The following ETAA1 variants were observed in gnomAD, a reference collection of about 807,000 sequenced individuals.
ETAA1 encodes the protein ETAA1 activator of ATR kinase.
Under a neutral mutation model 76.8 loss-of-function variants are expected in ETAA1, and 49 were observed. The ratio of observed to expected loss-of-function variants is 0.64; its 90% CI spans 0.51 to 0.81. The LOEUF (loss-of-function observed/expected upper bound fraction) is 0.81, where lower values mean the gene tolerates loss of function less well. Among genes scored for constraint, ETAA1 ranks in the 30% least tolerant of loss-of-function variants. The pLI is 0.00. For missense variants in ETAA1, 1,099 were observed against 1,074.0 expected (o/e 1.02, Z -0.32); for synonymous variants, 373 against 372.2 (o/e 1.00, Z -0.03).
In ETAA1 at chr2:67,403,524, C is replaced by G. The variant is rs1412407220; in HGVS notation, c.842C>G (p.Ala281Gly). 1 of 1,613,340 alleles carries G rather than the reference C, an allele frequency of 6.2e-7. No homozygotes were observed. The highest frequency in any genetic ancestry group is 1.3e-5 in the African/African-American group (1 of 74,880). The change falls in exon 5 of 6, where the codon GCC becomes GGC. Residue 281 changes from alanine (A) to glycine (G), a missense_variant. Around this residue, in one of 3 missense-constraint regions of ETAA1, gnomAD observed 761 missense variants for 731.9 expected, o/e 1.04. Coordinates refer to ENST00000272342, the MANE Select transcript of ETAA1 (RefSeq NM_019002.4). ...QKPFDQIAEA[A>G]FNAIFDGSTQ... ...CCATTTGACCAAATTGCTGAAGCAG[C>G]CTTTAATGCTATTTTTGATGGTTCT...
intron 1 of ETAA1, 123 bp downstream of exon 1, chr2:67,397,794 C>T (rs1392582827): frequency 5.1e-6 from 5 of 983,280 alleles, no homozygotes; most frequent in African/African-American, 1.6e-5. Flanking sequence ...TGGGATTCAC[C>T]CCTCGAGAGT....
intron 5 of ETAA1, 82 bp from the exon 6 acceptor site, chr2:67,409,829 T>C: frequency 7.3e-7 from 1 of 1,376,688 alleles, no homozygotes; most frequent in South Asian, 1.4e-5. Context: ...ATCTGGGTGA[T>C]TAAAAAAAGC....
Position 67,403,262 on chromosome 2 carries a change from C to T in ETAA1, c.580C>T (p.Leu194=), listed in dbSNP as rs1457417553. 1.9e-6 allele frequency: 3 copies of T among 1,579,988 alleles called. No homozygotes were observed. The highest frequency in any genetic ancestry group is 2.0e-5 in the Admixed American group (1 of 50,834). ...AAGTCAAGAAGAAGAACTTATGAAA[C>T]TGGCTAAACAATTTGATAAAAATAT... ...TQSQEEELMK[L]AKQFDKNMEE... is the part of the protein sequence containing the mutation. Residue 194 remains leucine, a synonymous_variant, in exon 5 of 6, where the codon CTG becomes TTG. Coordinates refer to ENST00000272342, the MANE Select transcript of ETAA1 (RefSeq NM_019002.4).
At chr2:67,403,165 ATAAC>A (rs1182512214) in intron 4 of ETAA1, 56 bp from the exon 5 acceptor site, 21 of 1,243,214 alleles carry the variant, frequency 1.7e-5, no homozygotes, top group Non-Finnish European at 2.2e-5. Context: ...AATATGTTAA[ATAAC>A]AGTTGGATAT....
At position 67,403,362 on chromosome 2, in the gene ETAA1, T is replaced by C; in HGVS notation, c.680T>C (p.Ile227Thr). 3 of 1,603,938 alleles carry C rather than the reference T, an allele frequency of 1.9e-6. No individual in the cohort carries two copies. The highest frequency in any genetic ancestry group is 2.6e-6 in the Non-Finnish European group (3 of 1,171,906). The change falls in exon 5 of 6, where the codon ATT (isoleucine) becomes ACT (threonine). Residue 227 changes from isoleucine (I) to threonine (T), a missense_variant. Transcript: ENST00000272342. ...DFTQMISETEILSNYKDNIQM... is the reference protein window; with the variant it reads ...DFTQMISETETLSNYKDNIQM... ...ACCCAGATGATTTCAGAAACAGAGA[T>C]TTTAAGTAATTATAAAGATAATATA... is the stretch of plus-strand genomic sequence containing the variant.
rs149168254 is a variant in ETAA1, at chr2:67,410,390, A to ACTT, written c.*354_*356dup. The stretch of plus-strand genomic sequence containing the variant: ...TTCTAATGTCTTTTCCTAATAAAAA[A>ACTT]CTTCAACTTTCTAAGTTAGTAGAGA... On this transcript the variant is annotated 3_prime_UTR_variant, in exon 6 of 6. Coordinates refer to ENST00000272342, the MANE Select transcript of ETAA1 (RefSeq NM_019002.4). The ACTT allele has an allele frequency of 0.096, 15,859 of 164,464 alleles. 895 individuals are homozygous for ACTT. The highest frequency in any genetic ancestry group is 0.15 in the African/African-American group (6,157 of 41,682). 10.2% of individuals were successfully genotyped at this position (164,464 alleles called of 1,614,324 possible).
At chr2:67,409,722 T>TG (rs1676316260) in intron 5 of ETAA1, among the ~76,000 whole-genome samples, 189 bp from the exon 6 acceptor site, 1 of 152,012 alleles carries the variant, frequency 6.6e-6, no homozygotes, top group Non-Finnish European at 1.5e-5. Flanking sequence ...CATCAGTGCT[T>TG]GATTTTCTTT....
Position 67,397,644 on chromosome 2 carries a change from GC to G in ETAA1, c.199del (p.Leu67CysfsTer18). On this transcript the variant is annotated frameshift_variant, in exon 1 of 6. Coordinates refer to ENST00000272342, the MANE Select transcript of ETAA1 (RefSeq NM_019002.4). LOFTEE classifies it high-confidence loss of function. ...VRQREQPPTA[A>X]LCSKSNPEER... ...GCAGCGAGAGCAGCCTCCGACCGCC[GC>G]CCTGTGCAGTAAAAGTAACCCCGAG... is the stretch of plus-strand genomic sequence containing the variant. 6.5e-7 allele frequency: 1 copy of G among 1,547,500 alleles called. No individual in the cohort carries two copies. The highest frequency in any genetic ancestry group is 8.7e-7 in the Non-Finnish European group (1 of 1,146,936).
In ETAA1 at chr2:67,405,321, A is replaced by G. The variant is rs1676186582; in HGVS notation, c.2639A>G (p.Lys880Arg). ...QSLVKLSESL[K>R]QSSKEEEEKN... ...TTGGTGAAACTTTCTGAATCTTTGA[A>G]ACAATCTTCAAAAGGTATGTATGAA... is the stretch of plus-strand genomic sequence containing the variant. Residue 880 changes from lysine (K) to arginine (R), a missense_variant, in exon 5 of 6, where the codon AAA becomes AGA. Lys to Arg is a conservative substitution (Grantham distance 26). Coordinates refer to ENST00000272342, the MANE Select transcript of ETAA1 (RefSeq NM_019002.4). 6.5e-7 allele frequency: 1 copy of G among 1,538,104 alleles called. No individual in the cohort carries two copies. The highest frequency in any genetic ancestry group is 1.4e-5 in the African/African-American group (1 of 71,916).
intron 2 of ETAA1, 78 bp downstream of exon 2, chr2:67,399,375 A>G: frequency 7.4e-7 from 1 of 1,360,420 alleles, no homozygotes; most frequent in Non-Finnish European, 1.0e-6. Flanking sequence ...CTAGTCAGAT[A>G]ATAGCATCGG....
At position 67,404,750 on chromosome 2, in the gene ETAA1, G is replaced by T; in HGVS notation, c.2068G>T (p.Val690Leu). ...FAISKQGSNLVQSKHLNPGSI... is the reference protein window; with the variant it reads ...FAISKQGSNLLQSKHLNPGSI... ...TATATCTAAACAAGGAAGTAATTTG[G>T]TACAATCAAAGCATTTGAATCCAGG... is the stretch of plus-strand genomic sequence containing the variant. The change falls in exon 5 of 6, where the codon GTA becomes TTA. Residue 690 changes from valine to leucine, a missense_variant. Val to Leu is a conservative substitution (Grantham distance 32). Coordinates refer to ENST00000272342, the MANE Select transcript of ETAA1 (RefSeq NM_019002.4). 6.2e-7 allele frequency: 1 copy of T among 1,613,416 alleles called. No individual in the cohort carries two copies. The highest frequency in any genetic ancestry group is 1.3e-5 in the African/African-American group (1 of 75,012).
intron 5 of ETAA1, among the ~76,000 whole-genome samples, chr2:67,406,973 C>T (rs901808731): frequency 1.2e-4 from 18 of 152,120 alleles, no homozygotes; most frequent in African/African-American, 4.1e-4. Context: ...ACAAACAATA[C>T]TCCAGTAAAT....
Position 67,399,631 on chromosome 2 carries a change from A to T in ETAA1, c.429+5A>T. 6.3e-7 allele frequency: 1 copy of T among 1,579,174 alleles called. No homozygotes were observed. Among genetic ancestry groups the T allele is most frequent in the Non-Finnish European group, 8.7e-7 (1 of 1,152,838 alleles). ...GTTAATCGTATTGCTCCTCAGGTAA[A>T]TATCACTAGTTTTACAGTTTGTTTT... On this transcript the variant is annotated splice_donor_5th_base_variant and intron_variant, in intron 3 of 5. Transcript: ENST00000272342.
At position 67,404,305 on chromosome 2, in the gene ETAA1, T is replaced by C. The variant is rs761105474; in HGVS notation, c.1623T>C (p.Ser541=). 55 of 1,612,198 alleles carry C rather than the reference T, an allele frequency of 3.4e-5. No homozygotes were observed. In the Admixed American group the frequency reaches 9.2e-4, roughly 27 times the overall value. ...EQKNKCILNQ[S]IKAPVNTDLF... Reference sequence around the variant, plus strand: ...AAAATAAGTGCATTTTAAATCAGTCTATTAAAGCCCCTGTTAATACTGATC... The same window carrying C: ...AAAATAAGTGCATTTTAAATCAGTCCATTAAAGCCCCTGTTAATACTGATC... Residue 541 remains serine, a synonymous_variant, in exon 5 of 6, where the codon TCT becomes TCC. Coordinates refer to ENST00000272342, the MANE Select transcript of ETAA1 (RefSeq NM_019002.4).
At position 67,403,739 on chromosome 2, in the gene ETAA1, A is replaced by T; in HGVS notation, c.1057A>T (p.Thr353Ser). The change falls in exon 5 of 6, where the codon ACA becomes TCA. Residue 353 changes from threonine (T) to serine (S), a missense_variant. By Grantham distance (58) the Thr-to-Ser change is moderately conservative. Transcript: ENST00000272342. ...LSSQVDTPIM[T>S]KSCVTSCTKE... The stretch of plus-strand genomic sequence containing the variant: ...TTCTCAAGTAGATACACCCATAATG[A>T]CAAAATCATGTGTGACTTCCTGTAC... 1 of 1,613,466 alleles carries T rather than the reference A, an allele frequency of 6.2e-7. No homozygotes were observed. The highest frequency in any genetic ancestry group is 8.5e-7 in the Non-Finnish European group (1 of 1,179,512).
chr2:67,402,836 C>T, intron 3 of ETAA1, 26 bp from the exon 4 acceptor site: 1 of 1,514,692 alleles, frequency 6.6e-7, no homozygotes. Context: ...GTACTTTATA[C>T]CTCTTTTTTT....
chr2:67,405,261 A>T lies in ETAA1; in HGVS notation c.2579A>T (p.Asn860Ile), dbSNP rs1676184045. 1 of 1,605,106 alleles carries T rather than the reference A, an allele frequency of 6.2e-7. No homozygotes were observed. The highest frequency in any genetic ancestry group is 1.3e-5 in the African/African-American group (1 of 74,318). Reference sequence around the variant, plus strand: ...GGTGTGGAGAAAAAGAAAGGTGTCAACCCATTACTGGAGGAAGCTGTTGGA... The same window carrying T: ...GGTGTGGAGAAAAAGAAAGGTGTCATCCCATTACTGGAGGAAGCTGTTGGA... Reference protein sequence around the residue: ...TQGVEKKKGVNPLLEEAVGQQ... With the variant: ...TQGVEKKKGVIPLLEEAVGQQ... The change falls in exon 5 of 6, where the codon AAC (asparagine) becomes ATC (isoleucine). Residue 860 changes from asparagine (N) to isoleucine (I), a missense_variant. Coordinates refer to ENST00000272342, the MANE Select transcript of ETAA1 (RefSeq NM_019002.4).
At position 67,402,931 on chromosome 2, in the gene ETAA1, A is replaced by G. The variant is rs1369386384; in HGVS notation, c.499A>G (p.Ser167Gly). The change falls in exon 4 of 6, where the codon AGT becomes GGT. Residue 167 changes from serine (S) to glycine (G), a missense_variant. Around this residue, in one of 3 missense-constraint regions of ETAA1, gnomAD observed 761 missense variants for 731.9 expected, o/e 1.04. Transcript: ENST00000272342. Reference protein sequence around the residue: ...IGETAIPCTPSVAKGKSRAKI... With the variant: ...IGETAIPCTPGVAKGKSRAKI... ...TGAAACTGCTATTCCTTGTACTCCC[A>G]GTGTAGCAAAAGGAAAATCAAGAGC... 1.8e-5 allele frequency: 29 copies of G among 1,607,046 alleles called. No homozygotes were observed. Among genetic ancestry groups the G allele is most frequent in the Non-Finnish European group, 2.5e-5 (29 of 1,176,590 alleles).
At chr2:67,406,879 CTA>C (rs1365162905) in intron 5 of ETAA1, among the ~76,000 whole-genome samples, 26 of 152,106 alleles carry the variant, frequency 1.7e-4, no homozygotes, top group African/African-American at 3.6e-4. Flanking sequence ...CTGTTAATGA[CTA>C]TGTGATATAT....
Sources: gnomAD v4.1 joint callset for allele counts (sites outside exome capture counted in the v4.1 genomes callset) on GRCh38, gnomAD v4.1.1 for gene constraint, gnomAD v4.1.1 regional missense constraint, MANE v1.5 for transcripts, NCBI Gene and HGNC (gene_info 2026-07-23, HGNC 2026-07-21) for gene names.